The following SORCS3 variants were observed in gnomAD, a reference collection of about 807,000 sequenced individuals.
SORCS3 encodes the protein sortilin related VPS10 domain containing receptor 3.
In SORCS3, 57 loss-of-function variants were observed where a neutral mutation model predicts 146.3. The observed-to-expected ratio is 0.39, with a 90% CI of 0.31 to 0.49. SORCS3 has a LOEUF of 0.49. Ranked by LOEUF, SORCS3 falls within the 20% of genes least tolerant of loss-of-function variation. SORCS3 has a pLI of 0.92. For synonymous variants in SORCS3, 653 were observed against 618.5 expected (o/e 1.06, Z -0.83); for missense variants, 1,341 against 1,575.5 (o/e 0.85, Z 2.52).
At chr10:104,702,577 C>T (rs774971898) in intron 1 of SORCS3, among the ~76,000 whole-genome samples, 12 of 152,188 alleles carry the variant, frequency 7.9e-5, no homozygotes, top group Non-Finnish European at 1.3e-4. Context: ...CGTGAACCAC[C>T]GTGCCTGGCA....
At chr10:104,864,111 A>G (rs1465898126) in intron 2 of SORCS3, among the ~76,000 whole-genome samples, 1 of 152,182 alleles carries the variant, frequency 6.6e-6, no homozygotes, top group East Asian at 1.9e-4. Flanking sequence ...CCTGATGGCA[A>G]GACATTTAGA....
Position 105,156,903 on chromosome 10 carries a change from A to AGCATAGAAAGGGACC in SORCS3, c.1483-235_1483-234insGCATAGAAAGGGACC, listed in dbSNP as rs556273548. ...ACAGAGACGAGCAAACTGGGAAAAAAACAGATGGGTAAGCATAGAAAGGGA... is the reference window on the plus strand; with the variant it reads ...ACAGAGACGAGCAAACTGGGAAAAAAGCATAGAAAGGGACCACAGATGGGTAAGCATAGAAAGGGA... On this transcript the variant is annotated intron_variant, in intron 9 of 26. Coordinates refer to ENST00000369701, the MANE Select transcript of SORCS3 (RefSeq NM_014978.3). Among the ~76,000 whole-genome samples, 846 of 152,304 alleles carry AGCATAGAAAGGGACC rather than the reference A, an allele frequency of 5.6e-3. 3 individuals are homozygous for AGCATAGAAAGGGACC. The highest frequency in any genetic ancestry group is 8.4e-3 in the Non-Finnish European group (571 of 68,026).
At chr10:104,790,542 A>G (rs759324509) in intron 1 of SORCS3, among the ~76,000 whole-genome samples, 22 of 152,112 alleles carry the variant, frequency 1.4e-4, no homozygotes, top group Non-Finnish European at 2.6e-4. Flanking sequence ...GTCTTCTCCA[A>G]TGCTCCGGAT....
chr10:105,148,556 G>A (rs1053987441), intron 9 of SORCS3, among the ~76,000 whole-genome samples: 15 of 152,086 alleles, frequency 9.9e-5, no homozygotes, highest in Non-Finnish European at 1.9e-4. Flanking sequence ...ATGGAGGATT[G>A]AGTTGAGCAA....
intron 20 of SORCS3, among the ~76,000 whole-genome samples, chr10:105,225,889 A>T (rs1336867845): frequency 6.6e-6 from 1 of 151,964 alleles, no homozygotes; most frequent in East Asian, 1.9e-4. Context: ...GGTATGTAAC[A>T]CTACTGTTTT....
In SORCS3 at chr10:105,222,044, C is replaced by CTTTTTT. The variant is rs34795700; in HGVS notation, c.2735-1050_2735-1045dup. 1.6e-4 allele frequency among the ~76,000 whole-genome samples: 12 copies of CTTTTTT among 76,492 alleles called. 1 individual carries two copies. Among genetic ancestry groups the CTTTTTT allele is most frequent in the Admixed American group, 5.1e-4 (3 of 5,904 alleles). The allele number at this position is 76,492 out of a possible 152,430, so 50.2% of individuals were successfully genotyped here. A position where few individuals can be genotyped will look rare whatever the true frequency, so the allele number is the denominator to read the frequency against. On this transcript the variant is annotated intron_variant, in intron 19 of 26. Transcript: ENST00000369701. ...CAGATGCAACACCGATACCTTAACACTTTTTTTTTTTTTTTTTTTTTTTTT... is the reference window on the plus strand; with the variant it reads ...CAGATGCAACACCGATACCTTAACACTTTTTTTTTTTTTTTTTTTTTTTTTTTTTTT...
chr10:104,749,086 T>TAA (rs1295343084), intron 1 of SORCS3, among the ~76,000 whole-genome samples: 1 of 152,188 alleles, frequency 6.6e-6, no homozygotes, highest in Non-Finnish European at 1.5e-5. Context: ...GGCTTTTGGG[T>TAA]AACCTGCTTC....
intron 5 of SORCS3, among the ~76,000 whole-genome samples, chr10:105,074,334 G>T (rs966281822): frequency 1.3e-5 from 2 of 152,148 alleles, no homozygotes; most frequent in African/African-American, 4.8e-5. Flanking sequence ...TTGATAAAAT[G>T]CAGACAAACA....
chr10:105,011,034 A>G (rs895497030), intron 4 of SORCS3, among the ~76,000 whole-genome samples: 1 of 152,104 alleles, frequency 6.6e-6, no homozygotes. Flanking sequence ...GAAAATCATC[A>G]TACTTCCTGG....
chr10:104,876,703 TTTCCTTCCTTCCTTCC>T (rs747594890), intron 2 of SORCS3, among the ~76,000 whole-genome samples: 24 of 104,716 alleles, frequency 2.3e-4, no homozygotes, highest in African/African-American at 4.7e-4. Flanking sequence ...TGGTCCAGGT[TTTCCTTCCTTCCTTCC>T]TTCCTTCCTT....
At chr10:105,215,350 T>C (rs1374063890) in intron 18 of SORCS3, among the ~76,000 whole-genome samples, 2 of 152,180 alleles carry the variant, frequency 1.3e-5, no homozygotes, top group Non-Finnish European at 2.9e-5. Context: ...CCCTCTAAAT[T>C]TATATGCAAA....
chr10:105,173,574 AC>A (rs1182146412), intron 13 of SORCS3, among the ~76,000 whole-genome samples: 2 of 151,824 alleles, frequency 1.3e-5, no homozygotes, highest in African/African-American at 4.8e-5. Flanking sequence ...TTAAATTACC[AC>A]CCCTCCCCAA....
At chr10:105,220,725 C>T (rs1029536676) in intron 19 of SORCS3, among the ~76,000 whole-genome samples, 4 of 152,080 alleles carry the variant, frequency 2.6e-5, no homozygotes, top group East Asian at 1.9e-4. Context: ...CCAGGAGCCC[C>T]GCCCCACAGC....
At chr10:104,656,813 G>A (rs1400248286) in intron 1 of SORCS3, among the ~76,000 whole-genome samples, 1 of 152,246 alleles carries the variant, frequency 6.6e-6, no homozygotes, top group African/African-American at 2.4e-5. Flanking sequence ...TGAATGCTAA[G>A]AGGATGTAGC....
At chr10:104,689,392 A>G (rs1346512237) in intron 1 of SORCS3, among the ~76,000 whole-genome samples, 1 of 152,100 alleles carries the variant, frequency 6.6e-6, no homozygotes, top group African/African-American at 2.4e-5. Context: ...ACATTCCACA[A>G]TGTGTGGACT....
At chr10:104,760,722 C>T (rs963641420) in intron 1 of SORCS3, among the ~76,000 whole-genome samples, 8 of 152,002 alleles carry the variant, frequency 5.3e-5, no homozygotes, top group Non-Finnish European at 7.4e-5. Flanking sequence ...TATGACGTGA[C>T]GACAGACAGA....
intron 1 of SORCS3, among the ~76,000 whole-genome samples, chr10:104,685,037 C>G (rs1233634049): frequency 6.6e-6 from 1 of 151,850 alleles, no homozygotes; most frequent in Non-Finnish European, 1.5e-5. Flanking sequence ...AGGCTGGTCT[C>G]GAGCTCCTGG....
At chr10:105,230,952 A>G (rs908351630) in intron 20 of SORCS3, among the ~76,000 whole-genome samples, 5 of 152,142 alleles carry the variant, frequency 3.3e-5, no homozygotes, top group African/African-American at 7.2e-5. Flanking sequence ...AGGGCCCACA[A>G]TGGTCAAGAG....
intron 1 of SORCS3, among the ~76,000 whole-genome samples, chr10:104,677,756 A>G (rs2015927897): frequency 6.6e-6 from 1 of 151,990 alleles, no homozygotes; most frequent in African/African-American, 2.4e-5. Flanking sequence ...TATCCCACCT[A>G]TATCCCACCC....
Sources: gnomAD v4.1 joint callset for allele counts (sites outside exome capture counted in the v4.1 genomes callset) on GRCh38, gnomAD v4.1.1 for gene constraint, MANE v1.5 for transcripts, NCBI Gene and HGNC (gene_info 2026-07-23, HGNC 2026-07-21) for gene names.